RTTN: variants seen among roughly 807,000 people sequenced by gnomAD.
RTTN encodes rotatin.
Under a neutral mutation model 269.2 loss-of-function variants are expected in RTTN, and 182 were observed. The observed-to-expected ratio is 0.68, with a 90% CI of 0.60 to 0.76. RTTN has a LOEUF of 0.76. Ranked by LOEUF, RTTN falls within the 30% of genes least tolerant of loss-of-function variation. The pLI is 0.00. For synonymous variants in RTTN, 1,006 were observed against 963.5 expected, an observed-to-expected ratio of 1.04 and a Z score of -0.82; for missense variants, 2,545 against 2,608.6, an observed-to-expected ratio of 0.98 and a Z score of 0.53.
chr18:70,120,577 T>C (rs2059710779), intron 26 of RTTN, among the ~76,000 whole-genome samples: 1 of 152,148 alleles, frequency 6.6e-6, no homozygotes, highest in Non-Finnish European at 1.5e-5. Flanking sequence ...TTTTGTTTTG[T>C]TTTTCTTCTT....
At position 70,145,786 on chromosome 18, in the gene RTTN, G is replaced by A. The variant is rs757181886; in HGVS notation, c.2310-3C>T. 1.3e-6 allele frequency: 2 copies of A among 1,599,414 alleles called. No homozygotes were observed. The highest frequency in any genetic ancestry group is 1.1e-5 in the South Asian group (1 of 87,308). On this transcript the variant is annotated splice_polypyrimidine_tract_variant and splice_region_variant and intron_variant, in intron 17 of 48. Transcript: ENST00000640769. ...GCTTTAATGCTAGCGAACGGACCCT[G>A]AGAACACAAAGTACTTAAGTCGAAC... is the stretch of plus-strand genomic sequence containing the variant.
At chr18:70,135,477 T>C (rs975076234) in intron 21 of RTTN, among the ~76,000 whole-genome samples, 197 bp from the exon 22 acceptor site, 2 of 152,146 alleles carry the variant, frequency 1.3e-5, no homozygotes, top group Admixed American at 6.6e-5. Context: ...CAGTTTCTGA[T>C]TGGATAGGTT....
chr18:70,162,312 C>A (rs777445720), intron 14 of RTTN, among the ~76,000 whole-genome samples: 6 of 152,124 alleles, frequency 3.9e-5, no homozygotes, highest in Non-Finnish European at 5.9e-5. Context: ...ACTGCGTATA[C>A]ACATGGATAC....
intron 40 of RTTN, among the ~76,000 whole-genome samples, chr18:70,031,798 C>T (rs781150396): frequency 2.6e-5 from 4 of 151,440 alleles, no homozygotes; most frequent in African/African-American, 4.9e-5. Flanking sequence ...GGGAGGGCAT[C>T]GAGAGCAGAT....
intron 23 of RTTN, chr18:70,130,641 G>A (rs371047502): frequency 6.6e-6 from 1 of 151,880 alleles, no homozygotes. Flanking sequence ...GTAAAGGATG[G>A]TGGGGAAGGG....
At chr18:70,119,323 C>T (rs972763176) in intron 26 of RTTN, among the ~76,000 whole-genome samples, 1 of 41,066 alleles carries the variant, frequency 2.4e-5, no homozygotes, top group African/African-American at 3.3e-5. Flanking sequence ...AAAATAGCTA[C>T]CAAAAAAAAT....
chr18:70,048,630 G>A (rs1254937556), intron 39 of RTTN, among the ~76,000 whole-genome samples: 1 of 152,134 alleles, frequency 6.6e-6, no homozygotes, highest in East Asian at 1.9e-4. Flanking sequence ...ATTTATGCTT[G>A]TGTGATAATT....
Position 70,128,498 on chromosome 18 carries a change from G to A in RTTN, c.3003C>T (p.Tyr1001=), listed in dbSNP as rs200031043. Residue 1001 remains tyrosine, a synonymous_variant, in exon 24 of 49, where the codon TAC becomes TAT. Transcript: ENST00000640769. The stretch of plus-strand genomic sequence containing the variant: ...CAGCAGATAAGGGCAAAACTATGGA[G>A]TAAGGACTCACAGCATGGTGTCCAA... ...HVIGHHAVSP[Y]SIVLPLSADC... The A allele has an allele frequency of 2.4e-4, 393 of 1,613,126 alleles. No homozygotes were observed. In the African/African-American group the frequency reaches 4.9e-3, roughly 20 times the overall value.
intron 25 of RTTN, among the ~76,000 whole-genome samples, chr18:70,124,074 T>TAA (rs34187694): frequency 7.1e-6 from 1 of 139,888 alleles, no homozygotes; most frequent in African/African-American, 2.6e-5. Flanking sequence ...AAAGTCTATC[T>TAA]AAAAAAAAAA....
chr18:70,106,807 A>C (rs1411253312), intron 28 of RTTN, among the ~76,000 whole-genome samples: 1 of 152,164 alleles, frequency 6.6e-6, no homozygotes, highest in African/African-American at 2.4e-5. Context: ...AAAAAACAGG[A>C]GGTTATAGAT....
intron 3 of RTTN, among the ~76,000 whole-genome samples, chr18:70,203,295 C>G (rs534468199): frequency 1.4e-3 from 211 of 152,174 alleles, no homozygotes; most frequent in Non-Finnish European, 2.4e-3. Flanking sequence ...CTCCGCCCCC[C>G]GGGTTCAAGT....
At chr18:70,031,352 A>G in intron 40 of RTTN, 1 of 399,892 alleles carries the variant, frequency 2.5e-6, no homozygotes, top group Non-Finnish European at 4.4e-6. Context: ...ACTGTCATCA[A>G]TTTCCTCCTT....
intron 21 of RTTN, among the ~76,000 whole-genome samples, chr18:70,137,032 AG>A (rs1206433878): frequency 6.6e-6 from 1 of 151,946 alleles, no homozygotes; most frequent in East Asian, 1.9e-4. Flanking sequence ...ATGTGTATGT[AG>A]AAAAAATCAT....
rs867083673 is a variant in RTTN at position 70,036,894 on chromosome 18, G to A, written c.5542-5913C>T. On this transcript the variant is annotated intron_variant, in intron 40 of 48. Transcript: ENST00000640769. ...GCTAAAAGAGGAACTGAAAAGTGTC[G>A]GAGATATAGTCTTGAATCACCACCC... Among the ~76,000 whole-genome samples, 11 of 152,286 alleles carry A rather than the reference G, an allele frequency of 7.2e-5. 1 individual carries two copies. In the South Asian group the frequency reaches 2.3e-3, roughly 32 times the overall value.
At chr18:70,047,838 C>T (rs896370169) in intron 40 of RTTN, 133 bp downstream of exon 40, 42 of 717,154 alleles carry the variant, frequency 5.9e-5, no homozygotes, top group Non-Finnish European at 8.1e-5. Context: ...ACTTTTGTAT[C>T]ATTTAAACAG....
intron 28 of RTTN, among the ~76,000 whole-genome samples, chr18:70,100,980 A>C (rs775409978): frequency 6.6e-5 from 10 of 152,184 alleles, no homozygotes; most frequent in Non-Finnish European, 1.5e-4. Flanking sequence ...TCAGTTTGCC[A>C]GTATTTTATT....
At chr18:70,145,018 T>A (rs2060352471) in intron 18 of RTTN, among the ~76,000 whole-genome samples, 1 of 152,210 alleles carries the variant, frequency 6.6e-6, no homozygotes, top group African/African-American at 2.4e-5. Flanking sequence ...AAAATGTATT[T>A]ACAGCCGCTG....
chr18:70,019,153 A>C (rs2056630279), intron 45 of RTTN: 1 of 152,214 alleles, frequency 6.6e-6, no homozygotes, highest in South Asian at 2.1e-4. Flanking sequence ...TCATCAAAAT[A>C]TTCTTAAGTA....
intron 10 of RTTN, among the ~76,000 whole-genome samples, chr18:70,187,338 T>C (rs1341237296): frequency 2.0e-5 from 3 of 152,030 alleles, no homozygotes; most frequent in Non-Finnish European, 4.4e-5. Flanking sequence ...GGGGAGAGGA[T>C]AAGAATCTAC....
Sources: gnomAD v4.1 joint callset for allele counts (sites outside exome capture counted in the v4.1 genomes callset) on GRCh38, gnomAD v4.1.1 for gene constraint, MANE v1.5 for transcripts, NCBI Gene and HGNC (gene_info 2026-07-23, HGNC 2026-07-21) for gene names.